Variants in SELP observed in about 807,000 individuals in gnomAD.
The protein encoded by SELP is selectin P.
In SELP, 92 loss-of-function variants were observed where a neutral mutation model predicts 104.1. The observed-to-expected ratio is 0.88, with a 90% CI of 0.75 to 1.05. The LOEUF is 1.05. Among genes scored for constraint, SELP ranks in the 50% least tolerant of loss-of-function variants. The pLI, the probability that SELP is intolerant of heterozygous loss-of-function variation, is 0.00. For missense variants in SELP, 1,022 were observed against 1,017.3 expected (o/e 1.00, Z -0.06); for synonymous variants, 397 against 364.5 (o/e 1.09, Z -1.01).
chr1:169,596,955 A>G (rs1392077887), intron 11 of SELP, 36 bp downstream of exon 11: 3 of 1,533,200 alleles, frequency 2.0e-6, no homozygotes, highest in African/African-American at 1.4e-5. Flanking sequence ...ATAAATTTCC[A>G]AAAGTAGAAC....
intron 10 of SELP, among the ~76,000 whole-genome samples, chr1:169,599,027 T>C (rs1398597287): frequency 6.6e-6 from 1 of 152,188 alleles, no homozygotes; most frequent in Admixed American, 6.5e-5. Flanking sequence ...AGGTTACATA[T>C]CCAGACTTTC....
chr1:169,599,887 C>T (rs185610476), intron 10 of SELP, among the ~76,000 whole-genome samples: 18 of 152,242 alleles, frequency 1.2e-4, no homozygotes, highest in South Asian at 6.2e-4. Context: ...CCCCTCCCCA[C>T]GCAGTGAAAA....
At chr1:169,601,300 A>G (rs1001712256) in intron 10 of SELP, among the ~76,000 whole-genome samples, 5 of 152,116 alleles carry the variant, frequency 3.3e-5, no homozygotes, top group Admixed American at 1.3e-4. Context: ...CTTTCACCCT[A>G]CAGAATTCTT....
rs546450642 is a variant in SELP at position 169,608,860 on chromosome 1, A to G, written c.1333+644T>C. On this transcript the variant is annotated intron_variant, in intron 8 of 16. Coordinates refer to ENST00000263686, the MANE Select transcript of SELP (RefSeq NM_003005.4). ...TGAGGTACTCCTCGTAAAAAAAATAATAATCCTTGTGAACCACCACACCCG... is the reference window on the plus strand; with the variant it reads ...TGAGGTACTCCTCGTAAAAAAAATAGTAATCCTTGTGAACCACCACACCCG... Among the ~76,000 whole-genome samples the G allele has an allele frequency of 1.2e-4, 18 of 152,272 alleles. No individual in the cohort carries two copies. The East Asian group carries it at 3.5e-3, about 29-fold the overall frequency.
At chr1:169,626,694 AT>A (rs1006079517) in intron 1 of SELP, among the ~76,000 whole-genome samples, 1 of 152,074 alleles carries the variant, frequency 6.6e-6, no homozygotes, top group African/African-American at 2.4e-5. Context: ...TGGTGGTATG[AT>A]TTTTTTTGTG....
chr1:169,599,813 T>G (rs1661810365), intron 10 of SELP, among the ~76,000 whole-genome samples: 1 of 152,120 alleles, frequency 6.6e-6, no homozygotes, highest in Admixed American at 6.5e-5. Context: ...CACCATATTT[T>G]AGGACGTGAG....
At chr1:169,601,133 C>T (rs1661891251) in intron 10 of SELP, among the ~76,000 whole-genome samples, 1 of 152,072 alleles carries the variant, frequency 6.6e-6, no homozygotes, top group African/African-American at 2.4e-5. Context: ...GAAAATAGAA[C>T]TTATGAGAAA....
intron 1 of SELP, among the ~76,000 whole-genome samples, chr1:169,620,947 TTCTG>T (rs1347772981): frequency 1.4e-5 from 1 of 71,472 alleles, no homozygotes; most frequent in East Asian, 2.9e-4. Flanking sequence ...CAGTGTGGGG[TTCTG>T]TGTGTGTGTG....
In SELP at chr1:169,612,418, G is replaced by A; in HGVS notation, c.776-16C>T. On this transcript the variant is annotated splice_polypyrimidine_tract_variant and intron_variant, in intron 5 of 16. Transcript: ENST00000263686. ...CACTGGGCAGCTAAAACCAACCACAGAATAATAGTGTGAGTCCTTGGACAA... is the reference window on the plus strand; with the variant it reads ...CACTGGGCAGCTAAAACCAACCACAAAATAATAGTGTGAGTCCTTGGACAA... The A allele has an allele frequency of 6.2e-7, 1 of 1,612,384 alleles. No individual in the cohort carries two copies. The highest frequency in any genetic ancestry group is 1.1e-5 in the South Asian group (1 of 91,024).
intron 14 of SELP, among the ~76,000 whole-genome samples, chr1:169,591,845 C>T (rs900478783): frequency 6.6e-6 from 1 of 152,130 alleles, no homozygotes; most frequent in African/African-American, 2.4e-5. Context: ...AAATAACAGA[C>T]TCTCATAGTT....
intron 9 of SELP, among the ~76,000 whole-genome samples, chr1:169,604,796 A>T (rs111620556): frequency 6.6e-6 from 1 of 152,026 alleles, no homozygotes; most frequent in Non-Finnish European, 1.5e-5. Context: ...GTACCACAGA[A>T]CCCATTTCCA....
In SELP at chr1:169,617,212, C is replaced by T; in HGVS notation, c.297G>A (p.Lys99=). 1 of 1,614,088 alleles carries T rather than the reference C, an allele frequency of 6.2e-7. No individual in the cohort carries two copies. Among genetic ancestry groups the T allele is most frequent in the South Asian group, 1.1e-5 (1 of 91,078 alleles). The change falls in exon 3 of 17, where the codon AAG becomes AAA. Residue 99 remains lysine (K), a synonymous_variant. Coordinates refer to ENST00000263686, the MANE Select transcript of SELP (RefSeq NM_003005.4). ...YYWIGIRKNN[K]TWTWVGTKKA... ...TTTTGGTTCCCACCCATGTCCATGT[C>T]TTATTGTTCTTTCGGATCCCAATCC...
rs746507918 is a variant in SELP, at chr1:169,609,654, C to T, written c.1183G>A (p.Gly395Arg). 4.1e-5 allele frequency: 66 copies of T among 1,613,726 alleles called. No homozygotes were observed. Among genetic ancestry groups the T allele is most frequent in the Admixed American group, 3.0e-4 (18 of 59,972 alleles). Residue 395 changes from glycine (G) to arginine (R), a missense_variant, in exon 8 of 17, where the codon GGA becomes AGA. By Grantham distance (125) the Gly-to-Arg change is moderately radical. Coordinates refer to ENST00000263686, the MANE Select transcript of SELP (RefSeq NM_003005.4). ...SCEPLESPVH[G>R]SMDCSPSLRA... ...AAGGATGGAGAGCAATCCATGCTTC[C>T]GTGGACAGGACTCTCCAGCGGCTCA...
intron 11 of SELP, 72 bp from the exon 12 acceptor site, chr1:169,596,206 T>C: frequency 7.4e-7 from 1 of 1,352,734 alleles, no homozygotes; most frequent in Non-Finnish European, 1.0e-6. Flanking sequence ...AAGGCTAATC[T>C]GGAATAACTG....
At position 169,591,298 on chromosome 1, in the gene SELP, A is replaced by C. The variant is rs180776495; in HGVS notation, c.2438+128T>G. On this transcript the variant is annotated intron_variant, in intron 15 of 16. Transcript: ENST00000263686. ...TCTGTGTATTTTACTTCAGAGTAGA[A>C]AAGAAGACATTGCAAAAGACATTGT... 35 of 567,578 alleles carry C rather than the reference A, an allele frequency of 6.2e-5. No individual in the cohort carries two copies. In the Admixed American group the frequency reaches 1.3e-3, roughly 21 times the overall value. 35.2% of individuals were successfully genotyped at this position (567,578 alleles called of 1,614,324 possible). A position where few individuals can be genotyped will look rare whatever the true frequency, so the allele number is the denominator to read the frequency against.
chr1:169,614,180 C>T (rs1662696547), intron 3 of SELP, among the ~76,000 whole-genome samples: 1 of 152,232 alleles, frequency 6.6e-6, no homozygotes, highest in Admixed American at 6.5e-5. Context: ...TCTCTGAGCT[C>T]AGCTTGCACA....
intron 1 of SELP, among the ~76,000 whole-genome samples, chr1:169,621,505 G>A (rs1234275650): frequency 6.6e-6 from 1 of 150,566 alleles, no homozygotes; most frequent in East Asian, 2.0e-4. Context: ...GGGACAGTGT[G>A]GGGTTGTGTA....
intron 2 of SELP, among the ~76,000 whole-genome samples, chr1:169,618,767 C>A (rs1158103006): frequency 2.0e-5 from 3 of 152,196 alleles, no homozygotes; most frequent in African/African-American, 4.8e-5. Flanking sequence ...ATTAAAAATT[C>A]TATTTTGCAA....
chr1:169,588,983 T>A lies in SELP; in HGVS notation c.*480A>T, dbSNP rs1325115961. 4 of 152,140 alleles carry A rather than the reference T, an allele frequency of 2.6e-5. No individual in the cohort carries two copies. The highest frequency in any genetic ancestry group is 6.5e-5 in the Admixed American group (1 of 15,268). 9.4% of individuals were successfully genotyped at this position (152,140 alleles called of 1,614,324 possible). ...ATTCTTGGCCTTCTGCAGCCTCTGG[T>A]GCCATCCAGAGGACTCTCTGGAAGC... is the stretch of plus-strand genomic sequence containing the variant. On this transcript the variant is annotated 3_prime_UTR_variant, in exon 17 of 17. Coordinates refer to ENST00000263686, the MANE Select transcript of SELP (RefSeq NM_003005.4).
Sources: gnomAD v4.1 joint callset for allele counts (sites outside exome capture counted in the v4.1 genomes callset) on GRCh38, gnomAD v4.1.1 for gene constraint, MANE v1.5 for transcripts, NCBI Gene and HGNC (gene_info 2026-07-23, HGNC 2026-07-21) for gene names.